Variants in COG5 observed in about 807,000 individuals in gnomAD.
The protein encoded by COG5 is component of oligomeric golgi complex 5, also known as conserved oligomeric Golgi complex subunit 5.
A neutral mutation model predicts 110.4 loss-of-function variants in COG5; 86 were observed. That is an observed-to-expected ratio of 0.78 (90% CI 0.65 to 0.93). The LOEUF is 0.93. Ranked by LOEUF, COG5 falls within the 40% of genes least tolerant of loss-of-function variation. The pLI is 0.00. For synonymous variants in COG5, 360 were observed against 334.6 expected (o/e 1.08, Z -0.83); for missense variants, 1,077 against 987.0 (o/e 1.09, Z -1.22).
rs976625406 is a variant in COG5 at position 107,202,781 on chromosome 7, C to A, written c.*735G>T. On this transcript the variant is annotated 3_prime_UTR_variant, in exon 22 of 22. Transcript: ENST00000297135. ...ATACAATAAAAATTTTTATTTTTCA[C>A]GTGGCATTTTTGTTACACGGTTAAA... 6.6e-6 allele frequency: 1 copy of A among 152,124 alleles called. No homozygotes were observed. Among genetic ancestry groups the A allele is most frequent in the Non-Finnish European group, 1.5e-5 (1 of 68,050 alleles). The allele number at this position is 152,124 out of a possible 1,614,324, so 9.4% of individuals were successfully genotyped here. A position where few individuals can be genotyped will look rare whatever the true frequency, so the allele number is the denominator to read the frequency against.
chr7:107,467,527 T>A (rs1161094598), intron 6 of COG5, among the ~76,000 whole-genome samples: 1 of 152,256 alleles, frequency 6.6e-6, no homozygotes, highest in East Asian at 1.9e-4. Flanking sequence ...AATTTTTGTA[T>A]TTTTTGTAGA....
chr7:107,314,365 G>A lies in COG5; in HGVS notation c.1108+10075C>T, dbSNP rs149327757. On this transcript the variant is annotated intron_variant, in intron 11 of 21. Transcript: ENST00000297135. ...TAGTTATACAGATGTTTTAAAATTT[G>A]AAAAACTCATCTAGGTGTGAAATTA... is the stretch of plus-strand genomic sequence containing the variant. 2.3e-4 allele frequency among the ~76,000 whole-genome samples: 35 copies of A among 152,182 alleles called. No individual in the cohort carries two copies. The East Asian group carries it at 6.4e-3, about 28-fold the overall frequency.
chr7:107,505,492 C>T (rs1001110170), intron 6 of COG5, among the ~76,000 whole-genome samples: 1 of 152,132 alleles, frequency 6.6e-6, no homozygotes, highest in Non-Finnish European at 1.5e-5. Flanking sequence ...ATGCAGTCAC[C>T]CTGAAGTGTT....
At chr7:107,493,131 T>A (rs1276252744) in intron 6 of COG5, among the ~76,000 whole-genome samples, 3 of 152,144 alleles carry the variant, frequency 2.0e-5, no homozygotes, top group Non-Finnish European at 2.9e-5. Context: ...TCTGCTCTTA[T>A]CCCACAAAGG....
chr7:107,306,939 T>C (rs1807771584), intron 11 of COG5, among the ~76,000 whole-genome samples: 1 of 152,210 alleles, frequency 6.6e-6, no homozygotes. Context: ...CAAGATTATT[T>C]GTTTCTTTTG....
In COG5 at chr7:107,234,554, C is replaced by G. The variant is rs73187328; in HGVS notation, c.2091+1896G>C. On this transcript the variant is annotated intron_variant, in intron 18 of 21. Transcript: ENST00000297135. ...ATTAAAATAAAAAACAAAAACAAGCCTCTCTCCTACAGCACTCTCGTTTTG... is the reference window on the plus strand; with the variant it reads ...ATTAAAATAAAAAACAAAAACAAGCGTCTCTCCTACAGCACTCTCGTTTTG... 9.7e-3 allele frequency among the ~76,000 whole-genome samples: 1,481 copies of G among 152,234 alleles called. 8 individuals carry two copies. The highest frequency in any genetic ancestry group is 0.016 in the Non-Finnish European group (1,117 of 68,012).
At chr7:107,213,357 A>G (rs1799308066) in intron 19 of COG5, among the ~76,000 whole-genome samples, 1 of 152,212 alleles carries the variant, frequency 6.6e-6, no homozygotes, top group African/African-American at 2.4e-5. Context: ...CAGCAGCGCC[A>G]AACAGTGGCT....
At position 107,324,633 on chromosome 7, in the gene COG5, T is replaced by A; in HGVS notation, c.1027-112A>T. On this transcript the variant is annotated intron_variant, in intron 10 of 21. Transcript: ENST00000297135. Reference sequence around the variant, plus strand: ...GTTATTTAAAATTTAAATAAAAATTTTAGACATCTAACCATCAAACAATAG... The same window carrying A: ...GTTATTTAAAATTTAAATAAAAATTATAGACATCTAACCATCAAACAATAG... 6.5e-6 allele frequency: 4 copies of A among 614,634 alleles called. No homozygotes were observed. In the South Asian group the frequency reaches 8.7e-5, roughly 13 times the overall value. 38.1% of individuals were successfully genotyped at this position (614,634 alleles called of 1,614,324 possible).
chr7:107,561,260 C>T (rs1358465105), intron 1 of COG5, among the ~76,000 whole-genome samples: 1 of 152,162 alleles, frequency 6.6e-6, no homozygotes, highest in Non-Finnish European at 1.5e-5. Context: ...TGCATCTGTG[C>T]TCACCAAGCC....
At chr7:107,241,734 G>C (rs556695580) in intron 17 of COG5, among the ~76,000 whole-genome samples, 1 of 151,900 alleles carries the variant, frequency 6.6e-6, no homozygotes, top group Non-Finnish European at 1.5e-5. Flanking sequence ...TTACAGGCGT[G>C]AGCCACCGCG....
intron 8 of COG5, among the ~76,000 whole-genome samples, chr7:107,365,009 GA>G: frequency 6.6e-6 from 1 of 152,184 alleles, no homozygotes; most frequent in East Asian, 1.9e-4. Flanking sequence ...ATAACAGTGA[GA>G]AAAGGGTATG....
intron 5 of COG5, among the ~76,000 whole-genome samples, chr7:107,541,589 A>T (rs557045301): frequency 6.8e-6 from 1 of 147,816 alleles, no homozygotes; most frequent in East Asian, 2.0e-4. Flanking sequence ...TGAAATATAA[A>T]TGTCATAACA....
chr7:107,512,553 C>T (rs1019394711), intron 6 of COG5, among the ~76,000 whole-genome samples: 1 of 151,046 alleles, frequency 6.6e-6, no homozygotes, highest in African/African-American at 2.4e-5. Flanking sequence ...CTACTTTAAA[C>T]TTCATATGGA....
At chr7:107,515,269 A>G (rs559817691) in intron 6 of COG5, among the ~76,000 whole-genome samples, 10 of 152,278 alleles carry the variant, frequency 6.6e-5, no homozygotes, top group African/African-American at 1.7e-4. Context: ...ATGAGACTCA[A>G]TATGTGGGAT....
At chr7:107,551,233 G>A (rs918009376) in intron 3 of COG5, among the ~76,000 whole-genome samples, 1 of 151,954 alleles carries the variant, frequency 6.6e-6, no homozygotes, top group African/African-American at 2.4e-5. Context: ...TAGTAGACAC[G>A]GGGTTTCACC....
At chr7:107,278,077 T>A (rs560932592) in intron 14 of COG5, among the ~76,000 whole-genome samples, 14 of 152,188 alleles carry the variant, frequency 9.2e-5, no homozygotes, top group Non-Finnish European at 1.6e-4. Context: ...CTATAACCAA[T>A]CTTTAGGGAA....
At chr7:107,500,120 T>C (rs1236121937) in intron 6 of COG5, among the ~76,000 whole-genome samples, 1 of 152,182 alleles carries the variant, frequency 6.6e-6, no homozygotes, top group Non-Finnish European at 1.5e-5. Flanking sequence ...AGTCAATCAG[T>C]AATGTATGCT....
intron 19 of COG5, among the ~76,000 whole-genome samples, chr7:107,228,729 G>A (rs1248549610): frequency 6.6e-6 from 1 of 150,974 alleles, no homozygotes; most frequent in African/African-American, 2.4e-5. Flanking sequence ...GATGGGCAGT[G>A]ATCTTTCATT....
At chr7:107,335,720 C>T (rs1810643948) in intron 10 of COG5, among the ~76,000 whole-genome samples, 1 of 152,102 alleles carries the variant, frequency 6.6e-6, no homozygotes, top group African/African-American at 2.4e-5. Flanking sequence ...ACACTGCCTG[C>T]AAGAAACCTA....
Sources: allele counts gnomAD v4.1 joint callset (sites outside exome capture counted in the v4.1 genomes callset), GRCh38; gene constraint gnomAD v4.1.1; transcripts MANE v1.5; gene names NCBI Gene and HGNC (gene_info 2026-07-23, HGNC 2026-07-21).